The following CEP112 variants were observed in gnomAD, a reference collection of about 807,000 sequenced individuals.
CEP112 encodes centrosomal protein 112.
Under a neutral mutation model 153.0 loss-of-function variants are expected in CEP112, and 127 were observed. The observed-to-expected ratio is 0.83, with a 90% CI of 0.72 to 0.96. CEP112 has a LOEUF of 0.96. Ranked by LOEUF, CEP112 falls within the 40% of genes least tolerant of loss-of-function variation. The pLI is 0.00. For synonymous variants in CEP112, 358 were observed against 374.4 expected (o/e 0.96, Z 0.51); for missense variants, 1,089 against 1,101.2 (o/e 0.99, Z 0.16).
In CEP112 at chr17:65,668,139, G is replaced by A. The variant is rs557050056; in HGVS notation, c.2697+20990C>T. Among the ~76,000 whole-genome samples, 65 of 152,044 alleles carry A rather than the reference G, an allele frequency of 4.3e-4. No homozygotes were observed. In the East Asian group the frequency reaches 5.0e-3, roughly 12 times the overall value. The stretch of plus-strand genomic sequence containing the variant: ...TCGAACTCCTGACCTCAAGTGATCC[G>A]CCCACCTCAGCCTCTCAAAGTGCTG... On this transcript the variant is annotated intron_variant, in intron 24 of 26. Transcript: ENST00000535342.
intron 12 of CEP112, among the ~76,000 whole-genome samples, chr17:66,053,229 C>G (rs760473177): frequency 2.0e-5 from 3 of 151,272 alleles, no homozygotes; most frequent in East Asian, 2.0e-4. Context: ...AGACTAGGTA[C>G]AGGGGCTCAC....
Position 66,027,731 on chromosome 17 carries a change from G to A in CEP112, c.1597-171C>T, listed in dbSNP as rs184975714. On this transcript the variant is annotated intron_variant, in intron 15 of 26. Transcript: ENST00000535342. ...AAATTGGAGTAGCTTTGTATTACGA[G>A]GCATAAAATCTTAGTCACCTGAAGA... is the stretch of plus-strand genomic sequence containing the variant. Among the ~76,000 whole-genome samples, 131 of 151,926 alleles carry A rather than the reference G, an allele frequency of 8.6e-4. 3 individuals are homozygous for A. The South Asian group carries it at 8.7e-3, about 10-fold the overall frequency.
At chr17:65,696,352 T>G (rs1487281105) in intron 23 of CEP112, among the ~76,000 whole-genome samples, 1 of 152,216 alleles carries the variant, frequency 6.6e-6, no homozygotes, top group African/African-American at 2.4e-5. Flanking sequence ...GATCTTGTCC[T>G]TGGTTCTGTC....
At chr17:65,970,554 G>A (rs1359654176) in intron 17 of CEP112, among the ~76,000 whole-genome samples, 1 of 151,914 alleles carries the variant, frequency 6.6e-6, no homozygotes, top group Non-Finnish European at 1.5e-5. Flanking sequence ...TTACATGAAA[G>A]TTACCTACAT....
chr17:65,886,583 T>C (rs764705192), intron 20 of CEP112, among the ~76,000 whole-genome samples: 1 of 152,236 alleles, frequency 6.6e-6, no homozygotes, highest in Non-Finnish European at 1.5e-5. Flanking sequence ...TTTATGCTAA[T>C]TTTGTGGGAC....
chr17:66,037,890 T>C (rs1052010582), intron 12 of CEP112, among the ~76,000 whole-genome samples: 6 of 151,720 alleles, frequency 4.0e-5, no homozygotes, highest in Admixed American at 3.3e-4. Context: ...TTATGTATAA[T>C]ATAGATTTTA....
intron 17 of CEP112, among the ~76,000 whole-genome samples, chr17:65,979,682 T>C (rs2063160708): frequency 6.6e-6 from 1 of 152,190 alleles, no homozygotes; most frequent in Admixed American, 6.5e-5. Flanking sequence ...TTAGCTATTA[T>C]TTTCAACTTA....
chr17:65,675,203 A>G lies in CEP112; in HGVS notation c.2697+13926T>C, dbSNP rs191934497. Among the ~76,000 whole-genome samples, 535 of 152,330 alleles carry G rather than the reference A, an allele frequency of 3.5e-3. 2 individuals are homozygous for G. The highest frequency in any genetic ancestry group is 3.9e-3 in the Non-Finnish European group (268 of 68,030). ...GTATTTCCAGAAGGAAGACAGAGAG[A>G]TAGAGTTAGACAGAAGTAAAAGTAG... is the stretch of plus-strand genomic sequence containing the variant. On this transcript the variant is annotated intron_variant, in intron 24 of 26. Transcript: ENST00000535342.
chr17:65,922,413 CAAAA>C (rs1599023511), intron 19 of CEP112, among the ~76,000 whole-genome samples: 1 of 151,988 alleles, frequency 6.6e-6, no homozygotes, highest in East Asian at 1.9e-4. Flanking sequence ...TTTTTTAACT[CAAAA>C]TACTTTTTAT....
At chr17:66,112,313 A>C (rs1462213407) in intron 6 of CEP112, among the ~76,000 whole-genome samples, 1 of 152,064 alleles carries the variant, frequency 6.6e-6, no homozygotes, top group Non-Finnish European at 1.5e-5. Flanking sequence ...AAAATTAAAA[A>C]AACAATGAAA....
At chr17:66,122,666 C>T (rs961132696) in intron 6 of CEP112, among the ~76,000 whole-genome samples, 1 of 152,152 alleles carries the variant, frequency 6.6e-6, no homozygotes, top group Non-Finnish European at 1.5e-5. Flanking sequence ...TGACACCCAG[C>T]TATTATGTCT....
intron 24 of CEP112, among the ~76,000 whole-genome samples, chr17:65,641,650 G>C (rs1429516532): frequency 6.6e-6 from 1 of 152,146 alleles, no homozygotes; most frequent in East Asian, 1.9e-4. Flanking sequence ...GGAGGCTGAG[G>C]TGGGAGGATC....
chr17:66,029,043 TAATTTC>T, intron 14 of CEP112, 74 bp downstream of exon 14: 1 of 1,104,062 alleles, frequency 9.1e-7, no homozygotes. Flanking sequence ...AAATGCCAAA[TAATTTC>T]TACTTGGCTA....
intron 24 of CEP112, among the ~76,000 whole-genome samples, chr17:65,656,975 C>A (rs2046094327): frequency 1.3e-5 from 2 of 152,186 alleles, no homozygotes; most frequent in Non-Finnish European, 2.9e-5. Flanking sequence ...CTCAGTATTG[C>A]AGTTCTTAAT....
chr17:65,904,628 A>G (rs1267124028), intron 19 of CEP112, among the ~76,000 whole-genome samples: 3 of 152,254 alleles, frequency 2.0e-5, no homozygotes, highest in Non-Finnish European at 4.4e-5. Flanking sequence ...GAACCAAAAA[A>G]GAGTCTGTAT....
intron 17 of CEP112, among the ~76,000 whole-genome samples, chr17:65,998,428 G>A (rs6504388): frequency 1 from 144,178 of 144,722 alleles, 71,819 homozygotes; most frequent in Middle Eastern, 1. Context: ...AAATTGAACT[G>A]TGGTGATGGT....
intron 18 of CEP112, 117 bp downstream of exon 18, chr17:65,961,346 G>C (rs748030403): frequency 2.0e-6 from 2 of 1,001,402 alleles, no homozygotes; most frequent in Non-Finnish European, 2.9e-6. Flanking sequence ...CGATTGTATG[G>C]CTAATTTTGA....
intron 21 of CEP112, among the ~76,000 whole-genome samples, chr17:65,776,294 G>T (rs1047317438): frequency 6.6e-6 from 1 of 152,144 alleles, no homozygotes; most frequent in African/African-American, 2.4e-5. Flanking sequence ...GAGTGCAGTG[G>T]TGCAATCTCG....
Position 66,114,797 on chromosome 17 carries a change from C to A in CEP112, c.642+14949G>T, listed in dbSNP as rs112132313. On this transcript the variant is annotated intron_variant, in intron 6 of 26. Coordinates refer to ENST00000535342, the MANE Select transcript of CEP112 (RefSeq NM_001199165.4). ...CACTTTGAGAGGCTATCCAAATTGA[C>A]AATAAACATATTAAAATGCACCTAA... 6.2e-3 allele frequency among the ~76,000 whole-genome samples: 942 copies of A among 152,042 alleles called. 10 individuals carry two copies. Among genetic ancestry groups the A allele is most frequent in the African/African-American group, 0.022 (903 of 41,488 alleles).
Sources: allele counts gnomAD v4.1 joint callset (sites outside exome capture counted in the v4.1 genomes callset), GRCh38; gene constraint gnomAD v4.1.1; transcripts MANE v1.5; gene names NCBI Gene and HGNC (gene_info 2026-07-23, HGNC 2026-07-21).